The following FHIT variants were observed in gnomAD, a reference collection of about 807,000 sequenced individuals.
FHIT encodes fragile histidine triad diadenosine triphosphatase.
FHIT carries 19 observed loss-of-function variants against 17.9 expected under a neutral mutation model. That is an observed-to-expected ratio of 1.06 (90% CI 0.74 to 1.56). FHIT has a LOEUF of 1.56. FHIT is among the 40% of genes most tolerant of loss of function. The pLI, the probability that FHIT is intolerant of heterozygous loss-of-function variation, is 0.00. For missense variants in FHIT, 248 were observed against 189.2 expected, an observed-to-expected ratio of 1.31 and a Z score of -1.82; for synonymous variants, 81 against 69.7, an observed-to-expected ratio of 1.16 and a Z score of -0.81.
chr3:59,868,208 C>T (rs1349064376), intron 8 of FHIT, among the ~76,000 whole-genome samples: 1 of 151,992 alleles, frequency 6.6e-6, no homozygotes. Context: ...TGCAGTACAC[C>T]AAAATGCCAG....
At chr3:60,610,419 C>G (rs1418273591) in intron 4 of FHIT, among the ~76,000 whole-genome samples, 3 of 152,026 alleles carry the variant, frequency 2.0e-5, no homozygotes, top group South Asian at 4.2e-4. Context: ...ATATGATCAC[C>G]CTGAATGTAG....
chr3:60,271,559 A>G (rs1280859016), intron 5 of FHIT, among the ~76,000 whole-genome samples: 1 of 152,198 alleles, frequency 6.6e-6, no homozygotes, highest in Non-Finnish European at 1.5e-5. Flanking sequence ...ATTCAAAATA[A>G]TCTAAAAATT....
chr3:60,178,286 T>C (rs959110955), intron 5 of FHIT, among the ~76,000 whole-genome samples: 4 of 152,088 alleles, frequency 2.6e-5, no homozygotes, highest in Non-Finnish European at 4.4e-5. Flanking sequence ...ACTATCATTA[T>C]TATAAAGAAG....
chr3:60,216,256 T>C (rs1703692520), intron 5 of FHIT, among the ~76,000 whole-genome samples: 1 of 152,174 alleles, frequency 6.6e-6, no homozygotes, highest in African/African-American at 2.4e-5. Context: ...AGAAGTTTGC[T>C]GGGATAATCT....
At chr3:61,246,411 C>T (rs1172551063) in intron 1 of FHIT, among the ~76,000 whole-genome samples, 1 of 152,134 alleles carries the variant, frequency 6.6e-6, no homozygotes, top group Non-Finnish European at 1.5e-5. Context: ...TCTAAGTAAT[C>T]TTCAATAATA....
intron 3 of FHIT, among the ~76,000 whole-genome samples, chr3:60,838,958 C>T (rs1287513523): frequency 1.3e-5 from 2 of 151,928 alleles, no homozygotes; most frequent in Non-Finnish European, 2.9e-5. Flanking sequence ...GAAGGGGAAC[C>T]CAGCACGAAA....
intron 5 of FHIT, among the ~76,000 whole-genome samples, chr3:60,311,101 G>A (rs1174207498): frequency 6.6e-6 from 1 of 151,918 alleles, no homozygotes; most frequent in East Asian, 1.9e-4. Flanking sequence ...CATCCCTTTT[G>A]GCATCTTCCC....
intron 2 of FHIT, among the ~76,000 whole-genome samples, chr3:61,096,807 G>A (rs2035652539): frequency 6.6e-6 from 1 of 152,218 alleles, no homozygotes; most frequent in African/African-American, 2.4e-5. Context: ...AAGGGGTTGG[G>A]AAAAGTGAGC....
At chr3:60,337,675 T>G (rs112330793) in intron 5 of FHIT, among the ~76,000 whole-genome samples, 1,874 of 152,130 alleles carry the variant, frequency 0.012, 31 homozygotes, top group African/African-American at 0.042. Flanking sequence ...CTGCACTGAG[T>G]TGCTTTGATA....
At chr3:61,030,038 C>T (rs549180427) in intron 3 of FHIT, among the ~76,000 whole-genome samples, 7 of 152,170 alleles carry the variant, frequency 4.6e-5, no homozygotes, top group Non-Finnish European at 1.0e-4. Flanking sequence ...GGTACTATCT[C>T]AGCTAACTGC....
rs193209045 is a variant in FHIT at position 60,298,438 on chromosome 3, C to T, written c.103+238422G>A. 4.8e-3 allele frequency among the ~76,000 whole-genome samples: 728 copies of T among 152,208 alleles called. 4 individuals are homozygous for T. Among genetic ancestry groups the T allele is most frequent in the Non-Finnish European group, 7.8e-3 (533 of 67,992 alleles). The stretch of plus-strand genomic sequence containing the variant: ...TCACAAGTTTTAGGAATTGTGCACC[C>T]GGAACCAGGGGCAGAGGCCAAATAT... On this transcript the variant is annotated intron_variant, in intron 5 of 9. Coordinates refer to ENST00000492590, the MANE Select transcript of FHIT (RefSeq NM_002012.4).
chr3:60,090,514 T>C (rs532613536), intron 5 of FHIT, among the ~76,000 whole-genome samples: 6 of 152,254 alleles, frequency 3.9e-5, no homozygotes, highest in African/African-American at 1.4e-4. Context: ...GAAAAAGTAA[T>C]CACCTTTGAA....
chr3:61,005,740 T>G (rs1362786145), intron 3 of FHIT, among the ~76,000 whole-genome samples: 3 of 152,160 alleles, frequency 2.0e-5, no homozygotes, highest in African/African-American at 7.2e-5. Flanking sequence ...ATGTGGTGCC[T>G]AGAGCTGATG....
intron 5 of FHIT, among the ~76,000 whole-genome samples, chr3:60,424,102 C>G (rs1298705856): frequency 1.3e-5 from 2 of 152,052 alleles, no homozygotes; most frequent in Non-Finnish European, 2.9e-5. Flanking sequence ...TCCTTTAACC[C>G]TATAATATCC....
chr3:60,937,392 C>T (rs868989899), intron 3 of FHIT, among the ~76,000 whole-genome samples: 1 of 152,072 alleles, frequency 6.6e-6, no homozygotes, highest in African/African-American at 2.4e-5. Flanking sequence ...CATTTAGATT[C>T]GTGCTCCAAA....
intron 7 of FHIT, among the ~76,000 whole-genome samples, chr3:59,947,486 G>A (rs993813091): frequency 3.9e-5 from 6 of 152,004 alleles, no homozygotes; most frequent in African/African-American, 1.5e-4. Flanking sequence ...TCTTTTGTAT[G>A]GTTTTCCATG....
chr3:60,924,746 G>C (rs181124304), intron 3 of FHIT, among the ~76,000 whole-genome samples: 2 of 151,810 alleles, frequency 1.3e-5, no homozygotes, highest in Non-Finnish European at 2.9e-5. Flanking sequence ...GGCTTCAGAC[G>C]ATCAAACTAC....
At chr3:60,863,425 A>G (rs1249099603) in intron 3 of FHIT, among the ~76,000 whole-genome samples, 2 of 152,252 alleles carry the variant, frequency 1.3e-5, no homozygotes, top group African/African-American at 2.4e-5. Context: ...TTAAGTCACT[A>G]AATTCATCAT....
At chr3:60,452,128 T>C (rs2031787900) in intron 5 of FHIT, among the ~76,000 whole-genome samples, 1 of 152,188 alleles carries the variant, frequency 6.6e-6, no homozygotes, top group Admixed American at 6.6e-5. Flanking sequence ...GGAGGAGAAA[T>C]ACTGTAACCA....
Sources: gnomAD v4.1 joint callset for allele counts (sites outside exome capture counted in the v4.1 genomes callset) on GRCh38, gnomAD v4.1.1 for gene constraint, MANE v1.5 for transcripts, NCBI Gene and HGNC (gene_info 2026-07-23, HGNC 2026-07-21) for gene names.